The following PAK3 variants were observed in gnomAD, a reference collection of about 807,000 sequenced individuals.
PAK3 encodes the protein p21 (RAC1) activated kinase 3.
A neutral mutation model predicts 41.0 loss-of-function variants in PAK3; 4 were observed. The observed-to-expected ratio is 0.10, with a 90% CI of 0.05 to 0.22. PAK3 has a LOEUF of 0.22. PAK3 is among the 10% of genes least tolerant of loss of function. The probability of loss-of-function intolerance (pLI) is 1.00; values close to 1 mark genes in which losing one functional copy is unlikely to be tolerated. For synonymous variants in PAK3, 146 were observed against 139.6 expected, an observed-to-expected ratio of 1.05 and a Z score of -0.32; for missense variants, 205 against 409.9, an observed-to-expected ratio of 0.50 and a Z score of 4.32.
At chrX:110,986,874 G>T (rs1435023623) in intron 1 of PAK3, among the ~76,000 whole-genome samples, 1 of 111,131 alleles carries the variant, frequency 9.0e-6, no homozygotes, top group Non-Finnish European at 1.9e-5. Flanking sequence ...TAAAAGGAAA[G>T]GGGTGAAAAA....
At chrX:111,068,166 A>G (rs1290428196) in intron 1 of PAK3, among the ~76,000 whole-genome samples, 1 of 111,151 alleles carries the variant, frequency 9.0e-6, no homozygotes, top group Non-Finnish European at 1.9e-5. Context: ...ATTTTTTCAT[A>G]TTAGTATTTA....
intron 11 of PAK3, among the ~76,000 whole-genome samples, chrX:111,191,283 G>A (rs1038992503): frequency 1.4e-4 from 16 of 110,822 alleles, no homozygotes; most frequent in African/African-American, 4.6e-4. Flanking sequence ...ATTTTTCATA[G>A]AGACTGGATC....
chrX:111,089,173 G>A (rs1473521361), intron 1 of PAK3, among the ~76,000 whole-genome samples: 4 of 111,825 alleles, frequency 3.6e-5, no homozygotes, highest in African/African-American at 9.8e-5. Flanking sequence ...AATGTACTGC[G>A]GCTGTGCAAA....
intron 1 of PAK3, among the ~76,000 whole-genome samples, chrX:111,028,958 C>A (rs2092308086): frequency 9.1e-6 from 1 of 109,973 alleles, no homozygotes; most frequent in South Asian, 3.9e-4. Context: ...AATAGGGAGA[C>A]CCTGTCTCTA....
chrX:111,203,695 A>G (rs1254672829), intron 16 of PAK3, among the ~76,000 whole-genome samples: 2 of 111,993 alleles, frequency 1.8e-5, no homozygotes, highest in Non-Finnish European at 3.8e-5. Flanking sequence ...AGTTAAGCAG[A>G]ATAAGAGAAT....
At chrX:110,994,192 G>T (rs2091701217) in intron 1 of PAK3, among the ~76,000 whole-genome samples, 1 of 112,187 alleles carries the variant, frequency 8.9e-6, no homozygotes, top group Non-Finnish European at 1.9e-5. Flanking sequence ...GATGCTGGTT[G>T]TTGCCTTCTC....
intron 1 of PAK3, among the ~76,000 whole-genome samples, chrX:110,983,867 C>T (rs1337406487): frequency 8.9e-6 from 1 of 111,760 alleles, no homozygotes; most frequent in African/African-American, 3.3e-5. Context: ...CACTACCGCT[C>T]ACCTGGTTGC....
chrX:110,952,358 G>A (rs924410612), intron 1 of PAK3, among the ~76,000 whole-genome samples: 1 of 111,349 alleles, frequency 9.0e-6, no homozygotes, highest in Non-Finnish European at 1.9e-5. Flanking sequence ...ATGAAAAAGT[G>A]GTGATGATAG....
chrX:111,037,320 T>A (rs1255932874), intron 1 of PAK3, among the ~76,000 whole-genome samples: 1 of 111,780 alleles, frequency 8.9e-6, no homozygotes, highest in Non-Finnish European at 1.9e-5. Flanking sequence ...CATGTTGTGG[T>A]GACTATTTTT....
chrX:111,175,181 A>G (rs2094392041), intron 11 of PAK3, among the ~76,000 whole-genome samples: 1 of 111,523 alleles, frequency 9.0e-6, no homozygotes, highest in Non-Finnish European at 1.9e-5. Flanking sequence ...AAGGGAAGGG[A>G]TATTCAATCC....
rs931508706 is a variant in PAK3, at chrX:111,047,619, C to T, written c.-27-75458C>T. Among the ~76,000 whole-genome samples, 9 of 111,093 alleles carry T rather than the reference C, an allele frequency of 8.1e-5. No homozygotes were observed. The East Asian group carries it at 1.4e-3, about 18-fold the overall frequency. On this transcript the variant is annotated intron_variant, in intron 1 of 14. Coordinates refer to the PAK3 transcript ENST00000425146. ...CCAGTAAGTAGCTTGTGTCGGCTTC[C>T]GCATAGAATACACACAGGAGTCTTC...
intron 1 of PAK3, among the ~76,000 whole-genome samples, chrX:111,050,004 A>G (rs926045159): frequency 8.9e-6 from 1 of 111,978 alleles, no homozygotes; most frequent in African/African-American, 3.2e-5. Context: ...ATGAGAGTTC[A>G]AAGCAATAGG....
intron 1 of PAK3, among the ~76,000 whole-genome samples, chrX:111,068,869 A>G (rs1383011690): frequency 8.9e-6 from 1 of 112,202 alleles, no homozygotes; most frequent in East Asian, 2.8e-4. Context: ...TTATAGATAT[A>G]TATTGCGTTG....
chrX:111,211,130 G>C (rs2094814652), intron 16 of PAK3, among the ~76,000 whole-genome samples: 1 of 111,422 alleles, frequency 9.0e-6, no homozygotes, highest in Non-Finnish European at 1.9e-5. Context: ...GGTGTGAGTA[G>C]TATGTGAGCT....
At chrX:111,196,171 C>G (rs1232065929) in intron 15 of PAK3, among the ~76,000 whole-genome samples, 2 of 111,869 alleles carry the variant, frequency 1.8e-5, no homozygotes, top group Non-Finnish European at 3.8e-5. Flanking sequence ...TGACAAATAC[C>G]TAATTAGGAA....
At chrX:111,080,298 C>G (rs1161973298) in intron 1 of PAK3, among the ~76,000 whole-genome samples, 2 of 111,518 alleles carry the variant, frequency 1.8e-5, no homozygotes, top group East Asian at 5.6e-4. Context: ...CCACAGCCCC[C>G]CAATCTACAG....
chrX:111,157,572 C>A (rs1393592520), intron 8 of PAK3, among the ~76,000 whole-genome samples: 3 of 110,761 alleles, frequency 2.7e-5, no homozygotes, highest in African/African-American at 9.9e-5. Flanking sequence ...GGGCGGATCA[C>A]CTGAGGTCAG....
chrX:111,065,699 T>A (rs1048544036), intron 1 of PAK3, among the ~76,000 whole-genome samples: 3 of 111,737 alleles, frequency 2.7e-5, no homozygotes, highest in African/African-American at 9.7e-5. Flanking sequence ...GGGCTCTTTT[T>A]GATTGGTAGG....
At chrX:111,100,408 T>C (rs181052514) in intron 3 of PAK3, among the ~76,000 whole-genome samples, 52 of 111,468 alleles carry the variant, frequency 4.7e-4, no homozygotes, top group African/African-American at 1.7e-3. Context: ...GAGCTCCCCA[T>C]GCATCCCCGG....
Sources: allele counts gnomAD v4.1 joint callset (sites outside exome capture counted in the v4.1 genomes callset), GRCh38; gene constraint gnomAD v4.1.1; transcripts MANE v1.5; gene names NCBI Gene and HGNC (gene_info 2026-07-23, HGNC 2026-07-21).